Variants in MYO3A observed in about 807,000 individuals in gnomAD.
The protein encoded by MYO3A is myosin IIIA, also known as myosin-IIIa.
In MYO3A, 180 loss-of-function variants were observed where a neutral mutation model predicts 192.7. The observed-to-expected ratio is 0.93, with a 90% CI of 0.83 to 1.06. The LOEUF (loss-of-function observed/expected upper bound fraction) is 1.06, where lower values mean the gene tolerates loss of function less well. MYO3A is among the 50% of genes least tolerant of loss of function. The probability of loss-of-function intolerance (pLI) is 0.00; values close to 1 mark genes in which losing one functional copy is unlikely to be tolerated. For missense variants in MYO3A, 1,896 were observed against 1,905.0 expected (o/e 1.00, Z 0.09); for synonymous variants, 628 against 645.3 (o/e 0.97, Z 0.41).
intron 27 of MYO3A, among the ~76,000 whole-genome samples, chr10:26,168,080 A>T (rs1403796833): frequency 6.6e-6 from 1 of 152,228 alleles, no homozygotes; most frequent in Non-Finnish European, 1.5e-5. Context: ...ATCAAAAGTC[A>T]GCCCTCCCTT....
At chr10:25,987,444 A>G (rs1329917284) in intron 4 of MYO3A, among the ~76,000 whole-genome samples, 1 of 152,242 alleles carries the variant, frequency 6.6e-6, no homozygotes, top group Non-Finnish European at 1.5e-5. Flanking sequence ...GTGAGAGAAC[A>G]TCTTCAAAAT....
intron 4 of MYO3A, among the ~76,000 whole-genome samples, chr10:25,956,051 G>C (rs946497978): frequency 6.6e-6 from 1 of 152,160 alleles, no homozygotes; most frequent in African/African-American, 2.4e-5. Context: ...GTTGCTACAT[G>C]CTCTGGAGAG....
intron 2 of MYO3A, among the ~76,000 whole-genome samples, chr10:25,944,400 T>C (rs1024239587): frequency 1.3e-5 from 2 of 152,076 alleles, no homozygotes; most frequent in African/African-American, 4.8e-5. Flanking sequence ...GTCAGGATAA[T>C]GCTGGCCTCA....
intron 2 of MYO3A, among the ~76,000 whole-genome samples, chr10:25,945,501 T>A (rs1049769337): frequency 1.3e-5 from 2 of 152,234 alleles, no homozygotes; most frequent in Middle Eastern, 3.4e-3. Flanking sequence ...TCCCCTTTAG[T>A]TCTGTCAGTG....
At chr10:26,010,046 A>G (rs1841523700) in intron 6 of MYO3A, among the ~76,000 whole-genome samples, 1 of 152,222 alleles carries the variant, frequency 6.6e-6, no homozygotes, top group South Asian at 2.1e-4. Flanking sequence ...GGATTGAATG[A>G]TGCAGACAGA....
chr10:26,043,504 T>C (rs1285628214), intron 10 of MYO3A, among the ~76,000 whole-genome samples: 3 of 152,160 alleles, frequency 2.0e-5, no homozygotes. Flanking sequence ...TATTGTAGTG[T>C]GGGTGAGCTG....
chr10:26,132,583 A>G (rs1004859374), intron 20 of MYO3A, among the ~76,000 whole-genome samples: 16 of 152,058 alleles, frequency 1.1e-4, no homozygotes, highest in African/African-American at 3.6e-4. Context: ...AATTCACTCC[A>G]CTTATTTATG....
intron 4 of MYO3A, among the ~76,000 whole-genome samples, chr10:25,992,356 A>T (rs1422903617): frequency 6.6e-6 from 1 of 152,216 alleles, no homozygotes; most frequent in Non-Finnish European, 1.5e-5. Flanking sequence ...TTGCACACTG[A>T]TTTTGTATCC....
At chr10:26,193,015 A>T (rs1476822079) in intron 31 of MYO3A, among the ~76,000 whole-genome samples, 190 bp from the exon 32 acceptor site, 1 of 152,120 alleles carries the variant, frequency 6.6e-6, no homozygotes, top group East Asian at 1.9e-4. Flanking sequence ...GTCCTAGACC[A>T]CCAGACAACT....
intron 4 of MYO3A, among the ~76,000 whole-genome samples, chr10:25,983,388 T>A (rs1397444412): frequency 6.6e-6 from 1 of 151,956 alleles, no homozygotes; most frequent in East Asian, 1.9e-4. Flanking sequence ...CCCTAGTAGC[T>A]GGGACTACAG....
At chr10:25,992,932 G>A (rs1399515888) in intron 4 of MYO3A, among the ~76,000 whole-genome samples, 2 of 152,152 alleles carry the variant, frequency 1.3e-5, no homozygotes. Context: ...GAGGATATTT[G>A]CATTGATGTT....
rs1255859192 is a variant in MYO3A, at chr10:26,145,431, A to G, written c.2417-15A>G. On this transcript the variant is annotated splice_polypyrimidine_tract_variant and intron_variant, in intron 21 of 34. Transcript: ENST00000642920. ...TCATACATGCTTGATATTTGAGTTC[A>G]GTATTTTTCTACAGAAAAATTTGAA... The G allele has an allele frequency of 3.3e-6, 5 of 1,509,452 alleles. No homozygotes were observed. In the Admixed American group the frequency reaches 5.0e-5, roughly 15 times the overall value. The allele number at this position is 1,509,452 out of a possible 1,614,324, so 93.5% of individuals were successfully genotyped here. A position where few individuals can be genotyped will look rare whatever the true frequency, so the allele number is the denominator to read the frequency against.
At chr10:26,098,379 G>T (rs905389086) in intron 17 of MYO3A, among the ~76,000 whole-genome samples, 1 of 152,084 alleles carries the variant, frequency 6.6e-6, no homozygotes, top group African/African-American at 2.4e-5. Flanking sequence ...TCACTCTGAT[G>T]GTGTTTCTTT....
At chr10:26,209,198 C>T (rs908342465) in intron 34 of MYO3A, among the ~76,000 whole-genome samples, 4 of 152,162 alleles carry the variant, frequency 2.6e-5, no homozygotes, top group Non-Finnish European at 4.4e-5. Context: ...GACCTTTCCA[C>T]CCTCCTAGCT....
intron 10 of MYO3A, among the ~76,000 whole-genome samples, chr10:26,054,516 A>T (rs1488170775): frequency 6.6e-6 from 1 of 152,078 alleles, no homozygotes; most frequent in Non-Finnish European, 1.5e-5. Context: ...CTGAGTAACG[A>T]CCCTCTGAGA....
chr10:25,995,666 T>A (rs968146187), intron 4 of MYO3A, among the ~76,000 whole-genome samples: 1 of 152,254 alleles, frequency 6.6e-6, no homozygotes, highest in Non-Finnish European at 1.5e-5. Flanking sequence ...GATGGTGACA[T>A]ACAGATGGGG....
At chr10:26,124,342 TATC>T (rs2131725305) in intron 18 of MYO3A, among the ~76,000 whole-genome samples, 2 of 152,322 alleles carry the variant, frequency 1.3e-5, no homozygotes, top group African/African-American at 4.8e-5. Context: ...ATTGATATAT[TATC>T]ATATTTGTCA....
At chr10:26,128,218 C>A (rs749223041) in intron 19 of MYO3A, among the ~76,000 whole-genome samples, 173 bp from the exon 20 acceptor site, 5 of 152,052 alleles carry the variant, frequency 3.3e-5, no homozygotes, top group African/African-American at 1.2e-4. Context: ...CAATATCTGC[C>A]GTTATCTTTA....
chr10:26,063,035 A>G (rs764110482), intron 10 of MYO3A, among the ~76,000 whole-genome samples: 2 of 152,222 alleles, frequency 1.3e-5, no homozygotes, highest in African/African-American at 2.4e-5. Context: ...GCTATCTAAA[A>G]TGAGCTAGGA....
Sources: gnomAD v4.1 joint callset for allele counts (sites outside exome capture counted in the v4.1 genomes callset) on GRCh38, gnomAD v4.1.1 for gene constraint, MANE v1.5 for transcripts, NCBI Gene and HGNC (gene_info 2026-07-23, HGNC 2026-07-21) for gene names.